The following RCOR1 variants were observed in gnomAD, a reference collection of about 807,000 sequenced individuals.
The protein encoded by RCOR1 is REST corepressor 1.
In RCOR1, 12 loss-of-function variants were observed where a neutral mutation model predicts 64.0. The ratio of observed to expected loss-of-function variants is 0.19; its 90% CI spans 0.12 to 0.30. The LOEUF (loss-of-function observed/expected upper bound fraction) is 0.30, where lower values mean the gene tolerates loss of function less well. RCOR1 is among the 10% of genes least tolerant of loss of function. RCOR1 has a pLI of 1.00. For missense variants in RCOR1, 502 were observed against 621.2 expected, an observed-to-expected ratio of 0.81 and a Z score of 2.04; for synonymous variants, 279 against 227.2, an observed-to-expected ratio of 1.23 and a Z score of -2.05.
chr14:102,656,085 A>G (rs754385848), intron 2 of RCOR1: 17 of 984,930 alleles, frequency 1.7e-5, no homozygotes, highest in Non-Finnish European at 2.0e-5. Flanking sequence ...CATTTATTTG[A>G]GTGGAAACAG....
chr14:102,624,365 G>A (rs1005881298), intron 2 of RCOR1, among the ~76,000 whole-genome samples: 2 of 151,756 alleles, frequency 1.3e-5, no homozygotes. Context: ...AATTAGCTGG[G>A]CGTGGTGCCA....
rs555402406 is a variant in RCOR1, at chr14:102,725,687, T to C, written c.1420-781T>C. ...CCATCTCCCGAGCTCTTGATTCTCG[T>C]GCCTCAGCCTCCCAAGTAGCTGGGA... On this transcript the variant is annotated intron_variant, in intron 11 of 11. Transcript: ENST00000262241. Among the ~76,000 whole-genome samples, 100 of 152,278 alleles carry C rather than the reference T, an allele frequency of 6.6e-4. 1 individual carries two copies. In the South Asian group the frequency reaches 0.02, roughly 31 times the overall value.
rs543210633 is a variant in RCOR1 at position 102,593,334 on chromosome 14, CGG to C, written c.361+10_361+11del. The C allele has an allele frequency of 5.3e-4, 813 of 1,531,246 alleles. 5 individuals carry two copies. The African/African-American group carries it at 8.8e-3, about 17-fold the overall frequency. The allele number at this position is 1,531,246 out of a possible 1,614,324, so 94.9% of individuals were successfully genotyped here. A position where few individuals can be genotyped will look rare whatever the true frequency, so the allele number is the denominator to read the frequency against. On this transcript the variant is annotated intron_variant, in intron 2 of 11. Coordinates refer to ENST00000262241, the MANE Select transcript of RCOR1 (RefSeq NM_015156.4). ...GCCCGACTTCGACCCCGGTGAGTAG[CGG>C]CCCCGGCCGGCCGGCGGCGGGGATG...
At chr14:102,618,930 G>A (rs1030414250) in intron 2 of RCOR1, among the ~76,000 whole-genome samples, 5 of 152,144 alleles carry the variant, frequency 3.3e-5, no homozygotes, top group African/African-American at 9.7e-5. Flanking sequence ...GGGAAGACAC[G>A]TTTAGATGGA....
intron 11 of RCOR1, among the ~76,000 whole-genome samples, chr14:102,723,874 T>G (rs1195832743): frequency 2.0e-5 from 3 of 152,152 alleles, no homozygotes. Flanking sequence ...TCGCATTTGA[T>G]CAAAGCCAGT....
rs71305075 is a variant in RCOR1, at chr14:102,696,808, CTTTT to C, written c.446-4450_446-4447del. On this transcript the variant is annotated intron_variant, in intron 3 of 11. Coordinates refer to ENST00000262241, the MANE Select transcript of RCOR1 (RefSeq NM_015156.4). Reference sequence around the variant, plus strand: ...CACTGACTTTTAAGCATCTGCTTATCTTTTTTTTTTTTTTTTTTTTTTTATAAGG... The same window carrying C: ...CACTGACTTTTAAGCATCTGCTTATCTTTTTTTTTTTTTTTTTTTATAAGG... Among the ~76,000 whole-genome samples the C allele has an allele frequency of 1.0e-2, 573 of 57,406 alleles. 2 individuals carry two copies. Among genetic ancestry groups the C allele is most frequent in the African/African-American group, 0.041 (555 of 13,488 alleles). 37.7% of individuals were successfully genotyped at this position (57,406 alleles called of 152,430 possible). A position where few individuals can be genotyped will look rare whatever the true frequency, so the allele number is the denominator to read the frequency against.
chr14:102,614,428 G>A (rs928609843), intron 2 of RCOR1, among the ~76,000 whole-genome samples: 2 of 150,412 alleles, frequency 1.3e-5, no homozygotes, highest in Admixed American at 6.6e-5. Flanking sequence ...GTTTCACCAC[G>A]TTAGCCAGCA....
chr14:102,600,928 A>C (rs1185857907), intron 2 of RCOR1, among the ~76,000 whole-genome samples: 1 of 148,786 alleles, frequency 6.7e-6, no homozygotes, highest in East Asian at 2.2e-4. Context: ...GGTGGCTCAC[A>C]CCTGTAATCC....
rs190255823 is a variant in RCOR1 at position 102,694,896 on chromosome 14, T to C, written c.446-6382T>C. Among the ~76,000 whole-genome samples the C allele has an allele frequency of 6.6e-5, 10 of 152,372 alleles. No individual in the cohort carries two copies. The East Asian group carries it at 1.9e-3, about 29-fold the overall frequency. On this transcript the variant is annotated intron_variant, in intron 3 of 11. Transcript: ENST00000262241. Reference sequence around the variant, plus strand: ...TTCAGTTGAGTGATGAGAGAGAAATTGGTGTCATGTTTCCTCTGTGGTACC... The same window carrying C: ...TTCAGTTGAGTGATGAGAGAGAAATCGGTGTCATGTTTCCTCTGTGGTACC...
intron 2 of RCOR1, among the ~76,000 whole-genome samples, chr14:102,677,389 T>C (rs1895204219): frequency 7.2e-6 from 1 of 138,982 alleles, no homozygotes; most frequent in African/African-American, 2.9e-5. Flanking sequence ...GCGGAGACGC[T>C]CCTCACTTCC....
intron 7 of RCOR1, among the ~76,000 whole-genome samples, chr14:102,713,233 C>T (rs1455897024): frequency 4.0e-5 from 6 of 150,038 alleles, no homozygotes; most frequent in African/African-American, 9.8e-5. Context: ...AGATTACAGC[C>T]GTGAGCCACC....
In RCOR1 at chr14:102,681,640, C is replaced by T. The variant is rs145307928; in HGVS notation, c.362-255C>T. On this transcript the variant is annotated intron_variant, in intron 2 of 11. Transcript: ENST00000262241. Reference sequence around the variant, plus strand: ...TGAGCACCTTGGCACCTGTGGATTTCTTCTTGGATGTCTCATGCCTAAAAG... The same window carrying T: ...TGAGCACCTTGGCACCTGTGGATTTTTTCTTGGATGTCTCATGCCTAAAAG... 4.2e-3 allele frequency among the ~76,000 whole-genome samples: 643 copies of T among 152,336 alleles called. 4 individuals carry two copies. Among genetic ancestry groups the T allele is most frequent in the Non-Finnish European group, 7.0e-3 (477 of 68,026 alleles).
chr14:102,692,710 C>CCT (rs1555466541), intron 3 of RCOR1, among the ~76,000 whole-genome samples: 1 of 118,684 alleles, frequency 8.4e-6, no homozygotes, highest in Non-Finnish European at 1.7e-5. Flanking sequence ...AACTACATCT[C>CCT]TCCTTCCTTC....
Position 102,726,566 on chromosome 14 carries a change from T to C in RCOR1, c.*60T>C. On this transcript the variant is annotated 3_prime_UTR_variant, in exon 12 of 12. Transcript: ENST00000262241. ...CTGTGTTATCCGGGATATCAGGTAT[T>C]ATGAGACATCACCTAGCCATCTGCA... 1 of 1,412,038 alleles carries C rather than the reference T, an allele frequency of 7.1e-7. No individual in the cohort carries two copies. Among genetic ancestry groups the C allele is most frequent in the South Asian group, 1.2e-5 (1 of 81,734 alleles). 87.5% of individuals were successfully genotyped at this position (1,412,038 alleles called of 1,614,324 possible).
intron 2 of RCOR1, among the ~76,000 whole-genome samples, chr14:102,632,665 TTTCCTTTCCTTTCC>T (rs1894143946): frequency 1.6e-5 from 1 of 61,882 alleles, no homozygotes; most frequent in African/African-American, 5.2e-5. Context: ...TTTCCTTTCC[TTTCCTTTCCTTTCC>T]TTTTCCTTTT....
At chr14:102,631,845 G>C (rs975368841) in intron 2 of RCOR1, among the ~76,000 whole-genome samples, 1 of 152,036 alleles carries the variant, frequency 6.6e-6, no homozygotes, top group African/African-American at 2.4e-5. Flanking sequence ...CTGTCGACCA[G>C]GTTGGAGTGC....
At chr14:102,674,870 C>A (rs923841049) in intron 2 of RCOR1, among the ~76,000 whole-genome samples, 2 of 151,918 alleles carry the variant, frequency 1.3e-5, no homozygotes, top group African/African-American at 2.4e-5. Context: ...ACCATCCTGG[C>A]TAACACGGTG....
At chr14:102,682,935 CTT>C (rs1384440993) in intron 3 of RCOR1, among the ~76,000 whole-genome samples, 2 of 152,172 alleles carry the variant, frequency 1.3e-5, no homozygotes, top group African/African-American at 4.8e-5. Context: ...CATAATCTCA[CTT>C]ATTTCTCAGG....
chr14:102,722,722 G>C (rs1283202883), intron 11 of RCOR1, among the ~76,000 whole-genome samples: 1 of 152,216 alleles, frequency 6.6e-6, no homozygotes, highest in Non-Finnish European at 1.5e-5. Context: ...AGACAGGGGA[G>C]TGGGGGCATA....
Sources: allele counts gnomAD v4.1 joint callset (sites outside exome capture counted in the v4.1 genomes callset), GRCh38; gene constraint gnomAD v4.1.1; transcripts MANE v1.5; gene names NCBI Gene and HGNC (gene_info 2026-07-23, HGNC 2026-07-21).